CTNNA2: variants seen among roughly 807,000 people sequenced by gnomAD.
CTNNA2 encodes the protein catenin alpha-2.
CTNNA2 carries 42 observed loss-of-function variants against 101.0 expected under a neutral mutation model. The observed-to-expected ratio is 0.42, with a 90% CI of 0.32 to 0.54. CTNNA2 has a LOEUF of 0.54. Among genes scored for constraint, CTNNA2 ranks in the 20% least tolerant of loss-of-function variants. CTNNA2 has a pLI of 0.14. For missense variants in CTNNA2, 871 were observed against 1,223.1 expected, an observed-to-expected ratio of 0.71 and a Z score of 4.29; for synonymous variants, 450 against 456.4, an observed-to-expected ratio of 0.99 and a Z score of 0.18.
At chr2:80,192,949 A>ACTG (rs1365571614) in intron 7 of CTNNA2, among the ~76,000 whole-genome samples, 1 of 131,840 alleles carries the variant, frequency 7.6e-6, no homozygotes, top group Non-Finnish European at 1.8e-5. Flanking sequence ...GAGTGTGTAT[A>ACTG]GTGGTGTGTG....
At chr2:79,670,255 C>T (rs944586317) in intron 2 of CTNNA2, among the ~76,000 whole-genome samples, 1 of 152,162 alleles carries the variant, frequency 6.6e-6, no homozygotes, top group Non-Finnish European at 1.5e-5. Flanking sequence ...CCAGCAGCTG[C>T]GGCTGCACAT....
chr2:80,130,210 TTA>T (rs1433809875), intron 7 of CTNNA2, among the ~76,000 whole-genome samples: 6 of 152,200 alleles, frequency 3.9e-5, no homozygotes, highest in Admixed American at 2.0e-4. Context: ...CCTGGAAAGC[TTA>T]TGTTTATTAA....
In CTNNA2 at chr2:79,720,941, A is replaced by C. The variant is rs559225170; in HGVS notation, c.103-23446A>C. On this transcript the variant is annotated intron_variant, in intron 2 of 18. Coordinates refer to ENST00000402739, the MANE Select transcript of CTNNA2 (RefSeq NM_001282597.3). ...ACAAAAGCTTAGGGAAGGAAAGGCC[A>C]AATGGAATAGTGTACTTATATGTGT... Among the ~76,000 whole-genome samples, 14 of 152,272 alleles carry C rather than the reference A, an allele frequency of 9.2e-5. No homozygotes were observed. The South Asian group carries it at 2.9e-3, about 32-fold the overall frequency.
At chr2:80,368,971 G>A (rs910769594) in intron 7 of CTNNA2, among the ~76,000 whole-genome samples, 1 of 151,648 alleles carries the variant, frequency 6.6e-6, no homozygotes, top group Non-Finnish European at 1.5e-5. Context: ...CTGGGTGACT[G>A]TGCTCCAGGA....
At chr2:79,503,165 G>T (rs916589743) in intron 4 of CTNNA2, among the ~76,000 whole-genome samples, 1 of 151,982 alleles carries the variant, frequency 6.6e-6, no homozygotes, top group African/African-American at 2.4e-5. Context: ...GCCTCTTCTA[G>T]CACCAACATT....
chr2:79,481,200 C>A (rs959297309), intron 4 of CTNNA2, among the ~76,000 whole-genome samples: 22 of 152,168 alleles, frequency 1.4e-4, no homozygotes, highest in African/African-American at 5.1e-4. Context: ...ATCGGAAAAA[C>A]TTAGATTGGC....
At chr2:79,687,111 C>G (rs1285449903) in intron 2 of CTNNA2, among the ~76,000 whole-genome samples, 1 of 152,050 alleles carries the variant, frequency 6.6e-6, no homozygotes, top group Non-Finnish European at 1.5e-5. Context: ...ACATTCTGTG[C>G]TCATAGACAG....
At chr2:80,100,050 C>T (rs1035858515) in intron 7 of CTNNA2, among the ~76,000 whole-genome samples, 3 of 152,132 alleles carry the variant, frequency 2.0e-5, no homozygotes, top group Admixed American at 6.5e-5. Context: ...CTGCCCCAGC[C>T]TCCCAAGTAG....
chr2:79,358,067 A>T (rs1677547756), intron 3 of CTNNA2, among the ~76,000 whole-genome samples: 1 of 152,008 alleles, frequency 6.6e-6, no homozygotes, highest in Non-Finnish European at 1.5e-5. Flanking sequence ...CAAAGATGAA[A>T]TTTTTTTTGG....
chr2:79,229,619 G>A (rs1421158376), intron 2 of CTNNA2, among the ~76,000 whole-genome samples: 1 of 152,134 alleles, frequency 6.6e-6, no homozygotes, highest in Non-Finnish European at 1.5e-5. Context: ...CCAGTAGAGT[G>A]GGGCATTGCT....
chr2:80,583,103 C>G (rs182173153), intron 14 of CTNNA2, among the ~76,000 whole-genome samples: 2 of 152,264 alleles, frequency 1.3e-5, no homozygotes, highest in Admixed American at 1.3e-4. Flanking sequence ...GAACCATGCT[C>G]AAAGCTACAT....
chr2:80,438,424 T>TTTTTG (rs961285699), intron 9 of CTNNA2, among the ~76,000 whole-genome samples: 2 of 151,924 alleles, frequency 1.3e-5, no homozygotes, highest in African/African-American at 2.4e-5. Context: ...TTTGTTAGTT[T>TTTTTG]TTTTGTTTTG....
intron 7 of CTNNA2, among the ~76,000 whole-genome samples, chr2:79,980,692 C>G (rs1691203800): frequency 6.6e-6 from 1 of 152,098 alleles, no homozygotes; most frequent in Non-Finnish European, 1.5e-5. Context: ...ATTTGTCTTA[C>G]ACGCATCATA....
chr2:80,185,028 A>G (rs1055456495), intron 7 of CTNNA2, among the ~76,000 whole-genome samples: 7 of 152,200 alleles, frequency 4.6e-5, no homozygotes, highest in African/African-American at 1.2e-4. Context: ...GTTTAAAACA[A>G]CAGGGTTTAT....
At chr2:79,786,436 G>A (rs1490581206) in intron 3 of CTNNA2, among the ~76,000 whole-genome samples, 2 of 152,070 alleles carry the variant, frequency 1.3e-5, no homozygotes, top group African/African-American at 2.4e-5. Flanking sequence ...AAGATTTACT[G>A]TTGAAACACA....
At chr2:80,164,204 G>A (rs1300581291) in intron 7 of CTNNA2, among the ~76,000 whole-genome samples, 2 of 146,412 alleles carry the variant, frequency 1.4e-5, no homozygotes, top group Non-Finnish European at 3.0e-5. Context: ...TTTGTTTTCT[G>A]TTTGTTTTCT....
At chr2:80,178,988 T>A (rs1272109942) in intron 7 of CTNNA2, among the ~76,000 whole-genome samples, 1 of 152,196 alleles carries the variant, frequency 6.6e-6, no homozygotes, top group Non-Finnish European at 1.5e-5. Context: ...CAGTATGATA[T>A]CTTGTGGAAG....
At position 80,130,794 on chromosome 2, in the gene CTNNA2, G is replaced by A. The variant is rs549019035; in HGVS notation, c.1056+220997G>A. Among the ~76,000 whole-genome samples the A allele has an allele frequency of 4.7e-5, 7 of 150,508 alleles. No homozygotes were observed. In the South Asian group the frequency reaches 1.5e-3, roughly 31 times the overall value. Reference sequence around the variant, plus strand: ...CTGATATAAAGTTGCTTTTTAAAATGTTAATGGAAAAAGAAAAAAAAGAAT... The same window carrying A: ...CTGATATAAAGTTGCTTTTTAAAATATTAATGGAAAAAGAAAAAAAAGAAT... On this transcript the variant is annotated intron_variant, in intron 7 of 18. Transcript: ENST00000402739.
rs528625525 is a variant in CTNNA2, at chr2:79,445,364, A to G, written c.-134-59690A>G. On this transcript the variant is annotated intron_variant, in intron 4 of 21. Transcript: ENST00000466387. ...GCAGAGTTCTGATCTCTACTCTGAT[A>G]TTGATTTGTTACATGGCCTAGGGCC... Among the ~76,000 whole-genome samples, 4 of 152,288 alleles carry G rather than the reference A, an allele frequency of 2.6e-5. No homozygotes were observed. In the East Asian group the frequency reaches 5.8e-4, roughly 22 times the overall value.
Sources: gnomAD v4.1 joint callset for allele counts (sites outside exome capture counted in the v4.1 genomes callset) on GRCh38, gnomAD v4.1.1 for gene constraint, MANE v1.5 for transcripts, NCBI Gene and HGNC (gene_info 2026-07-23, HGNC 2026-07-21) for gene names.